XIRP2: variants seen among roughly 807,000 people sequenced by gnomAD.
The protein encoded by XIRP2 is xin actin-binding repeat-containing protein 2.
A neutral mutation model predicts 277.0 loss-of-function variants in XIRP2; 236 were observed. That is an observed-to-expected ratio of 0.85 (90% CI 0.77 to 0.95). The LOEUF (loss-of-function observed/expected upper bound fraction) is 0.95, where lower values mean the gene tolerates loss of function less well. Ranked by LOEUF, XIRP2 falls within the 40% of genes least tolerant of loss-of-function variation. XIRP2 has a pLI of 0.00. For missense variants in XIRP2, 4,640 were observed against 4,157.5 expected (o/e 1.12, Z -3.19); for synonymous variants, 1,490 against 1,416.5 (o/e 1.05, Z -1.17).
chr2:167,245,203 G>C lies in XIRP2; in HGVS notation c.3811G>C (p.Asp1271His). The change falls in exon 9 of 11, where the codon GAT becomes CAT. Residue 1271 changes from aspartate to histidine, a missense_variant. By Grantham distance (81) the Asp-to-His change is moderately conservative. Coordinates refer to ENST00000409195, the MANE Select transcript of XIRP2 (RefSeq NM_152381.6). ...VKTVTDIQGG[D>H]VRKGCFIFET... ...GACGGTGACAGACATACAAGGTGGGGATGTAAGAAAGGGGTGCTTTATTTT... is the reference window on the plus strand; with the variant it reads ...GACGGTGACAGACATACAAGGTGGGCATGTAAGAAAGGGGTGCTTTATTTT... The C allele has an allele frequency of 1.2e-6, 2 of 1,613,756 alleles. No homozygotes were observed. Among genetic ancestry groups the C allele is most frequent in the Non-Finnish European group, 1.7e-6 (2 of 1,179,770 alleles).
intron 1 of XIRP2, among the ~76,000 whole-genome samples, chr2:166,892,806 A>G (rs910899490): frequency 9.4e-6 from 1 of 106,886 alleles, no homozygotes; most frequent in Admixed American, 1.1e-4. Flanking sequence ...CATTTCATAG[A>G]AGATATATAT....
At chr2:167,112,711 G>A (rs1690793813) in intron 2 of XIRP2, among the ~76,000 whole-genome samples, 1 of 151,844 alleles carries the variant, frequency 6.6e-6, no homozygotes, top group Non-Finnish European at 1.5e-5. Flanking sequence ...GAGTGCAGTG[G>A]CACAACCTTG....
chr2:167,000,864 G>T (rs1687348117), intron 2 of XIRP2, among the ~76,000 whole-genome samples: 1 of 151,958 alleles, frequency 6.6e-6, no homozygotes, highest in Non-Finnish European at 1.5e-5. Flanking sequence ...TCAAATAATG[G>T]AAATAGTAAA....
At position 167,245,750 on chromosome 2, in the gene XIRP2, C is replaced by T. The variant is rs1278793121; in HGVS notation, c.4358C>T (p.Thr1453Ile). ...CAAAAGGGCAATGTTAAAACATCTA[C>T]TTGGCTATTTGAAACCCACACTATG... ...EIQKGNVKTS[T>I]WLFETHTMDE... Residue 1453 changes from threonine to isoleucine, a missense_variant, in exon 9 of 11, where the codon ACT becomes ATT. Coordinates refer to ENST00000409195, the MANE Select transcript of XIRP2 (RefSeq NM_152381.6). The T allele has an allele frequency of 6.2e-7, 1 of 1,613,728 alleles. No homozygotes were observed. Among genetic ancestry groups the T allele is most frequent in the Admixed American group, 1.7e-5 (1 of 59,986 alleles).
chr2:167,259,125 A>C lies in XIRP2; in HGVS notation c.*1308A>C, dbSNP rs1177044461. The C allele has an allele frequency of 6.2e-7, 1 of 1,612,366 alleles. No individual in the cohort carries two copies. The highest frequency in any genetic ancestry group is 1.3e-5 in the African/African-American group (1 of 74,812). ...AACATTTTCAATTGTGATTTAATAG[A>C]TTCTGTAGATCAAATTAAAAATATG... On this transcript the variant is annotated 3_prime_UTR_variant, in exon 11 of 11. Coordinates refer to ENST00000409195, the MANE Select transcript of XIRP2 (RefSeq NM_152381.6).
At chr2:167,207,922 C>A (rs1693906571) in intron 3 of XIRP2, among the ~76,000 whole-genome samples, 1 of 151,790 alleles carries the variant, frequency 6.6e-6, no homozygotes, top group African/African-American at 2.4e-5. Context: ...TATGTTTTTT[C>A]TGCTTTGTGG....
chr2:167,199,899 G>T (rs958564090), intron 3 of XIRP2, among the ~76,000 whole-genome samples: 2 of 152,116 alleles, frequency 1.3e-5, no homozygotes, highest in African/African-American at 4.8e-5. Context: ...AAATGAAGCG[G>T]TAGGAATGAA....
rs562817128 is a variant in XIRP2 at position 166,986,011 on chromosome 2, A to G, written c.408+82121A>G. Among the ~76,000 whole-genome samples, 6 of 152,350 alleles carry G rather than the reference A, an allele frequency of 3.9e-5. No individual in the cohort carries two copies. In the South Asian group the frequency reaches 1.2e-3, roughly 32 times the overall value. ...TAGGAAGCTATAACCCATATTTCCT[A>G]TAACAGCAGAAGGAAATGGTTGCAC... On this transcript the variant is annotated intron_variant, in intron 2 of 10. Transcript: ENST00000409195.
intron 2 of XIRP2, among the ~76,000 whole-genome samples, chr2:167,003,764 A>G (rs79360981): frequency 0.035 from 5,392 of 152,026 alleles, 121 homozygotes; most frequent in East Asian, 0.079. Flanking sequence ...TGACATAATG[A>G]AATTTGTATT....
chr2:167,244,238 C>T lies in XIRP2; in HGVS notation c.2846C>T (p.Thr949Ile), dbSNP rs749196076. 13 of 1,613,548 alleles carry T rather than the reference C, an allele frequency of 8.1e-6. No individual in the cohort carries two copies. Among genetic ancestry groups the T allele is most frequent in the Non-Finnish European group, 1.1e-5 (13 of 1,179,856 alleles). The change falls in exon 9 of 11, where the codon ACA becomes ATA. Residue 949 changes from threonine to isoleucine, a missense_variant. Thr to Ile is a moderately conservative substitution (Grantham distance 89, BLOSUM62 -1). Transcript: ENST00000409195. ...GACAGAGGAGATGTGAAGAATTACA[C>T]ACATATCTTTGAATCAAACAATTTA... ...EVDRGDVKNY[T>I]HIFESNNLIK... is the part of the protein sequence containing the mutation.
At position 167,250,183 on chromosome 2, in the gene XIRP2, A is replaced by G. The variant is rs370572667; in HGVS notation, c.8791A>G (p.Lys2931Glu). Residue 2931 changes from lysine to glutamate, a missense_variant, in exon 9 of 11, where the codon AAA becomes GAA. By Grantham distance (56) the Lys-to-Glu change is moderately conservative. Coordinates refer to ENST00000409195, the MANE Select transcript of XIRP2 (RefSeq NM_152381.6). ...TQNKSFFSSVKESQRDDGKGA... is the reference protein window; with the variant it reads ...TQNKSFFSSVEESQRDDGKGA... ...GAACAAATCTTTCTTTTCCTCTGTGAAAGAATCCCAGCGGGATGATGGAAA... is the reference window on the plus strand; with the variant it reads ...GAACAAATCTTTCTTTTCCTCTGTGGAAGAATCCCAGCGGGATGATGGAAA... 11 of 1,613,424 alleles carry G rather than the reference A, an allele frequency of 6.8e-6. No individual in the cohort carries two copies. The African/African-American group carries it at 1.5e-4, about 22-fold the overall frequency.
intron 2 of XIRP2, among the ~76,000 whole-genome samples, chr2:166,964,770 ATTTAAG>A (rs1368351325): frequency 6.6e-6 from 1 of 151,848 alleles, no homozygotes; most frequent in Non-Finnish European, 1.5e-5. Context: ...TTTTTAAGTA[ATTTAAG>A]TTTATCTTAG....
intron 2 of XIRP2, among the ~76,000 whole-genome samples, chr2:166,985,799 C>A (rs535765578): frequency 1.3e-5 from 2 of 152,088 alleles, no homozygotes; most frequent in South Asian, 2.1e-4. Flanking sequence ...TTTCTGATCA[C>A]CCAGCTCTGA....
chr2:167,257,844 T>C lies in XIRP2; in HGVS notation c.*40-13T>C, dbSNP rs545597365. The C allele has an allele frequency of 3.2e-6, 5 of 1,577,510 alleles. No homozygotes were observed. The East Asian group carries it at 6.7e-5, about 21-fold the overall frequency. ...AAATACGAACTGCTAAGTGTTCTTT[T>C]TCTTTTTGGCAGTTTGGGAAATTAT... is the stretch of plus-strand genomic sequence containing the variant. On this transcript the variant is annotated splice_polypyrimidine_tract_variant and intron_variant, in intron 10 of 10. Transcript: ENST00000409195.
At chr2:167,009,891 C>T (rs1279159205) in intron 2 of XIRP2, among the ~76,000 whole-genome samples, 3 of 151,954 alleles carry the variant, frequency 2.0e-5, no homozygotes, top group Non-Finnish European at 4.4e-5. Flanking sequence ...TCATTTCCTT[C>T]ACCCACTTTT....
intron 2 of XIRP2, among the ~76,000 whole-genome samples, chr2:167,113,154 C>A (rs777538501): frequency 6.6e-6 from 1 of 151,994 alleles, no homozygotes; most frequent in Non-Finnish European, 1.5e-5. Flanking sequence ...CTATAAATAT[C>A]TAGTACATTC....
At chr2:167,067,541 T>C (rs1689328192) in intron 2 of XIRP2, among the ~76,000 whole-genome samples, 4 of 152,186 alleles carry the variant, frequency 2.6e-5, no homozygotes, top group Admixed American at 2.6e-4. Context: ...ATTTGATGGT[T>C]TCCCAGTTCA....
chr2:167,253,585 C>G (rs1695575747), intron 9 of XIRP2, among the ~76,000 whole-genome samples: 1 of 151,684 alleles, frequency 6.6e-6, no homozygotes, highest in Admixed American at 6.6e-5. Context: ...GAAGTAAAAA[C>G]TTTTGACCAG....
intron 3 of XIRP2, among the ~76,000 whole-genome samples, chr2:167,173,959 G>A (rs1692768497): frequency 6.6e-6 from 1 of 152,192 alleles, no homozygotes; most frequent in Admixed American, 6.5e-5. Flanking sequence ...TCCCAGGGAT[G>A]AAGCCAACTT....
Sources: allele counts gnomAD v4.1 joint callset (sites outside exome capture counted in the v4.1 genomes callset), GRCh38; gene constraint gnomAD v4.1.1; transcripts MANE v1.5; gene names NCBI Gene and HGNC (gene_info 2026-07-23, HGNC 2026-07-21).